Variants in PIK3R4 observed in about 807,000 individuals in gnomAD.
The protein encoded by PIK3R4 is phosphoinositide 3-kinase regulatory subunit 4.
A neutral mutation model predicts 136.5 loss-of-function variants in PIK3R4; 46 were observed. The ratio of observed to expected loss-of-function variants is 0.34; its 90% CI spans 0.27 to 0.43. The LOEUF is 0.43. PIK3R4 is among the 20% of genes least tolerant of loss of function. The pLI, the probability that PIK3R4 is intolerant of heterozygous loss-of-function variation, is 1.00. For missense variants in PIK3R4, 1,331 were observed against 1,649.5 expected, an observed-to-expected ratio of 0.81 and a Z score of 3.35; for synonymous variants, 557 against 566.7, an observed-to-expected ratio of 0.98 and a Z score of 0.24.
chr3:130,690,385 T>C, intron 14 of PIK3R4, 105 bp downstream of exon 14: 2 of 513,596 alleles, frequency 3.9e-6, no homozygotes, highest in Non-Finnish European at 6.7e-6. Flanking sequence ...AAGTGCAATG[T>C]AAGAGGCCCT....
At chr3:130,712,878 G>A (rs1401919721) in intron 9 of PIK3R4, among the ~76,000 whole-genome samples, 4 of 152,078 alleles carry the variant, frequency 2.6e-5, no homozygotes, top group Non-Finnish European at 4.4e-5. Flanking sequence ...CCAGCTTCTG[G>A]GTCTTAGCTC....
intron 14 of PIK3R4, among the ~76,000 whole-genome samples, 190 bp from the exon 15 acceptor site, chr3:130,686,612 G>A (rs2066492696): frequency 6.6e-6 from 1 of 152,152 alleles, no homozygotes; most frequent in Admixed American, 6.6e-5. Context: ...TAGAGTTGCT[G>A]TATATCCTTC....
chr3:130,701,634 T>C (rs2066575288), intron 13 of PIK3R4, among the ~76,000 whole-genome samples: 1 of 152,108 alleles, frequency 6.6e-6, no homozygotes, highest in Non-Finnish European at 1.5e-5. Context: ...TGGTCAAATT[T>C]TGCATCTTGA....
At chr3:130,701,128 C>T (rs2066571964) in intron 13 of PIK3R4, among the ~76,000 whole-genome samples, 2 of 152,074 alleles carry the variant, frequency 1.3e-5, no homozygotes, top group African/African-American at 4.8e-5. Context: ...ATTTACCATC[C>T]TAATAAAGGG....
chr3:130,735,055 G>A (rs1220921432), intron 3 of PIK3R4, among the ~76,000 whole-genome samples: 1 of 152,116 alleles, frequency 6.6e-6, no homozygotes, highest in Non-Finnish European at 1.5e-5. Context: ...CCAAAGCAAC[G>A]TAACAAGTAT....
intron 9 of PIK3R4, among the ~76,000 whole-genome samples, chr3:130,708,881 AAAAG>A (rs1361914481): frequency 6.6e-6 from 1 of 152,194 alleles, no homozygotes; most frequent in Non-Finnish European, 1.5e-5. Context: ...AATATTAAGC[AAAAG>A]AAAGTGTACC....
intron 2 of PIK3R4, among the ~76,000 whole-genome samples, chr3:130,737,928 C>A (rs535476601): frequency 6.6e-6 from 1 of 152,260 alleles, no homozygotes; most frequent in South Asian, 2.1e-4. Flanking sequence ...ATGGTAAAAT[C>A]AAAAAATCAT....
At chr3:130,681,122 T>C (rs1349444457) in intron 17 of PIK3R4, 57 bp from the exon 18 acceptor site, 5 of 964,968 alleles carry the variant, frequency 5.2e-6, no homozygotes, top group Admixed American at 3.4e-5. Flanking sequence ...CCATAAATGA[T>C]AGTGCTATTT....
chr3:130,726,222 T>C (rs2066730827), intron 6 of PIK3R4, among the ~76,000 whole-genome samples: 1 of 152,092 alleles, frequency 6.6e-6, no homozygotes, highest in African/African-American at 2.4e-5. Flanking sequence ...TATAAAGGAA[T>C]AGTTTAGACC....
chr3:130,723,532 T>C lies in PIK3R4; in HGVS notation c.1863A>G (p.Gln621=), dbSNP rs1234622153. Residue 621 remains glutamine (Q), a synonymous_variant, in exon 7 of 20, where the codon CAA becomes CAG. Transcript: ENST00000356763. The part of the protein sequence containing the change: ...QSSSILKPLL[Q]QGLSDAEEFV... ...ATTCCTCAGCATCACTAAGACCTTG[T>C]TGCAGCAGAGGCTTGAGAATTGAGG... The C allele has an allele frequency of 6.2e-7, 1 of 1,613,978 alleles. No individual in the cohort carries two copies. The highest frequency in any genetic ancestry group is 1.3e-5 in the African/African-American group (1 of 74,932).
chr3:130,694,864 T>C (rs2066537423), intron 13 of PIK3R4, among the ~76,000 whole-genome samples: 1 of 152,106 alleles, frequency 6.6e-6, no homozygotes. Flanking sequence ...CTCTTCATCT[T>C]AGGGGGAAAG....
intron 15 of PIK3R4, 117 bp downstream of exon 15, chr3:130,686,094 A>T: frequency 1.5e-6 from 1 of 667,006 alleles, no homozygotes; most frequent in Non-Finnish European, 2.6e-6. Flanking sequence ...CTATGAAAAA[A>T]AAAAAAGACG....
At chr3:130,709,728 T>C (rs539783978) in intron 9 of PIK3R4, among the ~76,000 whole-genome samples, 8 of 152,082 alleles carry the variant, frequency 5.3e-5, no homozygotes, top group Middle Eastern at 3.4e-3. Context: ...TGCTACAACA[T>C]AGGGGGACCT....
intron 14 of PIK3R4, among the ~76,000 whole-genome samples, chr3:130,689,432 G>T (rs2066504892): frequency 6.6e-6 from 1 of 152,156 alleles, no homozygotes; most frequent in African/African-American, 2.4e-5. Context: ...TTAAAAATAG[G>T]CTGGTATTTG....
chr3:130,703,674 A>G (rs1474407315), intron 13 of PIK3R4, 49 bp downstream of exon 13: 2 of 1,398,094 alleles, frequency 1.4e-6, no homozygotes, highest in African/African-American at 1.4e-5. Context: ...CTCAATAAAC[A>G]TTTGTTGATT....
chr3:130,733,857 C>A lies in PIK3R4; in HGVS notation c.1141G>T (p.Val381Phe), dbSNP rs770292226. Residue 381 changes from valine to phenylalanine, a missense_variant, in exon 4 of 20, where the codon GTT becomes TTT. Around this residue, in one of 2 missense-constraint regions of PIK3R4, gnomAD observed 1,180 missense variants for 1,407.0 expected, o/e 0.84. Transcript: ENST00000356763. ...KENGLVILVSVITSCLQTLKY... is the reference protein window; with the variant it reads ...KENGLVILVSFITSCLQTLKY... ...AGGGTCTGTAGGCAGGATGTTATAACAGATACCAAGATAACCAGCCCATTT... is the reference window on the plus strand; with the variant it reads ...AGGGTCTGTAGGCAGGATGTTATAAAAGATACCAAGATAACCAGCCCATTT... The A allele has an allele frequency of 6.2e-7, 1 of 1,614,046 alleles. No homozygotes were observed. The highest frequency in any genetic ancestry group is 8.5e-7 in the Non-Finnish European group (1 of 1,180,012).
At chr3:130,730,998 C>CCAAAGTGTG (rs888229165) in intron 4 of PIK3R4, among the ~76,000 whole-genome samples, 1 of 152,158 alleles carries the variant, frequency 6.6e-6, no homozygotes, top group African/African-American at 2.4e-5. Context: ...TCTTAGTGAA[C>CCAAAGTGTG]CAAAGTGGCA....
intron 16 of PIK3R4, among the ~76,000 whole-genome samples, chr3:130,682,982 G>C (rs540909330): frequency 3.6e-4 from 55 of 152,196 alleles, no homozygotes; most frequent in Non-Finnish European, 6.6e-4. Flanking sequence ...AGGGGAAAGA[G>C]ATTATAGTGG....
intron 18 of PIK3R4, 85 bp from the exon 19 acceptor site, chr3:130,680,806 T>C (rs1480909267): frequency 8.8e-6 from 8 of 910,720 alleles, no homozygotes; most frequent in Non-Finnish European, 1.4e-5. Flanking sequence ...ATCAATGCAT[T>C]TTTTCTTTTG....
Sources: gnomAD v4.1 joint callset for allele counts (sites outside exome capture counted in the v4.1 genomes callset) on GRCh38, gnomAD v4.1.1 for gene constraint, gnomAD v4.1.1 regional missense constraint, MANE v1.5 for transcripts, NCBI Gene and HGNC (gene_info 2026-07-23, HGNC 2026-07-21) for gene names.